ZBTB16: variants seen among roughly 807,000 people sequenced by gnomAD.
ZBTB16 encodes zinc finger and BTB domain containing 16.
A neutral mutation model predicts 56.8 loss-of-function variants in ZBTB16; 8 were observed. That is an observed-to-expected ratio of 0.14 (90% CI 0.08 to 0.25). ZBTB16 has a LOEUF of 0.25. Among genes scored for constraint, ZBTB16 ranks in the 10% least tolerant of loss-of-function variants. ZBTB16 has a pLI of 1.00. For missense variants in ZBTB16, 625 were observed against 903.0 expected (o/e 0.69, Z 3.95); for synonymous variants, 363 against 368.5 (o/e 0.98, Z 0.17).
In ZBTB16 at chr11:114,064,177, A is replaced by G. The variant is rs1457689348; in HGVS notation, c.877A>G (p.Arg293Gly). ...TCGAAGCAGCGTCATCACCAGTGCT[A>G]GGGAGCTACACTATGGGCGAGAGGA... The part of the protein sequence containing the change: ...PTRSSVITSA[R>G]ELHYGREESA... The change falls in exon 2 of 7, where the codon AGG becomes GGG. Residue 293 changes from arginine (R) to glycine (G), a missense_variant. Physicochemically the swap from Arg to Gly is moderately radical, Grantham distance 125. Transcript: ENST00000335953. The surrounding 1 kb of genome is among the most constrained non-coding windows in gnomAD (Gnocchi z 4.2). The G allele has an allele frequency of 6.2e-7, 1 of 1,613,948 alleles. No individual in the cohort carries two copies. Among genetic ancestry groups the G allele is most frequent in the South Asian group, 1.1e-5 (1 of 91,090 alleles).
intron 3 of ZBTB16, among the ~76,000 whole-genome samples, chr11:114,185,727 C>G (rs1173525081): frequency 6.6e-6 from 1 of 152,120 alleles, no homozygotes; most frequent in Non-Finnish European, 1.5e-5. Flanking sequence ...AAGAATGCAT[C>G]TACCAGACAT....
At position 114,063,115 on chromosome 11, in the gene ZBTB16, A is replaced by G. The variant is rs1008919029; in HGVS notation, c.-90-96A>G. ...GGCTTGGCAACAGGGAGGAGGGGGC[A>G]TGTTGTAGTGGTTGAATTCTTACTT... On this transcript the variant is annotated intron_variant, in intron 1 of 6. Coordinates refer to ENST00000335953, the MANE Select transcript of ZBTB16 (RefSeq NM_006006.6). The surrounding 1 kb of genome is among the most constrained non-coding windows in gnomAD (Gnocchi z 6.5). 7.7e-6 allele frequency: 5 copies of G among 646,678 alleles called. No homozygotes were observed. The highest frequency in any genetic ancestry group is 4.2e-4 in the Middle Eastern group (1 of 2,382). 40.1% of individuals were successfully genotyped at this position (646,678 alleles called of 1,614,324 possible).
At chr11:114,198,215 T>G (rs533553697) in intron 4 of ZBTB16, among the ~76,000 whole-genome samples, 1 of 152,222 alleles carries the variant, frequency 6.6e-6, no homozygotes, top group African/African-American at 2.4e-5. Flanking sequence ...TCACATTCTG[T>G]GCCAAGGAAT....
chr11:114,223,367 T>C (rs1438373012), intron 4 of ZBTB16, among the ~76,000 whole-genome samples: 1 of 152,102 alleles, frequency 6.6e-6, no homozygotes, highest in Non-Finnish European at 1.5e-5. Context: ...AGCCTGCAAC[T>C]CATAGGGAAT....
intron 4 of ZBTB16, among the ~76,000 whole-genome samples, chr11:114,201,738 A>G (rs1055761712): frequency 1.3e-5 from 2 of 152,148 alleles, no homozygotes; most frequent in African/African-American, 4.8e-5. Flanking sequence ...GCCACCCTAT[A>G]AGACTCTGTA....
intron 2 of ZBTB16, among the ~76,000 whole-genome samples, chr11:114,090,482 C>G (rs1014075543): frequency 6.6e-6 from 1 of 152,338 alleles, no homozygotes; most frequent in African/African-American, 2.4e-5. Flanking sequence ...GGGGAGCTCC[C>G]TCTCTCCCCT....
At chr11:114,215,476 A>G (rs1591789630) in intron 4 of ZBTB16, among the ~76,000 whole-genome samples, 1 of 152,240 alleles carries the variant, frequency 6.6e-6, no homozygotes, top group Non-Finnish European at 1.5e-5. Context: ...ATGGCAGCTC[A>G]TTCAGATGTC....
chr11:114,080,261 C>T (rs1171220200), intron 2 of ZBTB16, among the ~76,000 whole-genome samples: 2 of 152,080 alleles, frequency 1.3e-5, no homozygotes, highest in Non-Finnish European at 2.9e-5. Flanking sequence ...GACAATGTTC[C>T]TTGCCCCGAA....
chr11:114,181,149 A>C (rs1318992678), intron 3 of ZBTB16, among the ~76,000 whole-genome samples: 2 of 152,224 alleles, frequency 1.3e-5, no homozygotes, highest in African/African-American at 4.8e-5. Flanking sequence ...ATAACTGTAC[A>C]TCCAATTCCA....
intron 4 of ZBTB16, among the ~76,000 whole-genome samples, chr11:114,211,260 G>A (rs943647923): frequency 1.3e-5 from 2 of 152,144 alleles, no homozygotes; most frequent in African/African-American, 4.8e-5. Flanking sequence ...CTCCTTCCAG[G>A]CAGAAATCCA....
chr11:114,085,952 G>A (rs749510073), intron 2 of ZBTB16, among the ~76,000 whole-genome samples: 7 of 152,198 alleles, frequency 4.6e-5, no homozygotes, highest in Non-Finnish European at 1.0e-4. Context: ...GTGAGACCAT[G>A]TGGCTGCTCA....
chr11:114,248,921 A>G (rs1944864638), intron 6 of ZBTB16, among the ~76,000 whole-genome samples: 1 of 152,078 alleles, frequency 6.6e-6, no homozygotes, highest in South Asian at 2.1e-4. Flanking sequence ...TTACTTCATT[A>G]TTTGCTGGGG....
At chr11:114,086,219 AGGCGTGG>A (rs558034781) in intron 2 of ZBTB16, among the ~76,000 whole-genome samples, 47 of 152,338 alleles carry the variant, frequency 3.1e-4, no homozygotes, top group African/African-American at 9.9e-4. Flanking sequence ...CAGAGGAGCC[AGGCGTGG>A]CCAGGAGAGT....
At chr11:114,079,689 A>G (rs921377299) in intron 2 of ZBTB16, among the ~76,000 whole-genome samples, 3 of 152,314 alleles carry the variant, frequency 2.0e-5, no homozygotes, top group Non-Finnish European at 2.9e-5. Flanking sequence ...TCTGTTGACT[A>G]TAGTGAGTGA....
At chr11:114,182,406 A>G (rs1943270520) in intron 3 of ZBTB16, among the ~76,000 whole-genome samples, 1 of 152,016 alleles carries the variant, frequency 6.6e-6, no homozygotes, top group Non-Finnish European at 1.5e-5. Context: ...CCTGTTTTGT[A>G]TTTACTCGCT....
chr11:114,087,837 ATG>A (rs1940017124), intron 2 of ZBTB16, among the ~76,000 whole-genome samples: 2 of 152,166 alleles, frequency 1.3e-5, no homozygotes, highest in African/African-American at 4.8e-5. Context: ...ATTTCTTAGA[ATG>A]TACACCCCTG....
chr11:114,197,814 C>T (rs1345461262), intron 4 of ZBTB16, among the ~76,000 whole-genome samples: 1 of 152,106 alleles, frequency 6.6e-6, no homozygotes, highest in East Asian at 1.9e-4. Flanking sequence ...AGCAACGCTC[C>T]TTCCCTCAGG....
At chr11:114,077,208 C>T (rs1939601646) in intron 2 of ZBTB16, among the ~76,000 whole-genome samples, 1 of 152,156 alleles carries the variant, frequency 6.6e-6, no homozygotes, top group Admixed American at 6.5e-5. Flanking sequence ...TCATTCTGCT[C>T]CCATTTTCCC....
chr11:114,248,555 C>G (rs1342160849), intron 6 of ZBTB16, among the ~76,000 whole-genome samples: 1 of 152,152 alleles, frequency 6.6e-6, no homozygotes, highest in Admixed American at 6.5e-5. Flanking sequence ...AACAAAGACG[C>G]CCCCTCTGAT....
Sources: gnomAD v4.1 joint callset for allele counts (sites outside exome capture counted in the v4.1 genomes callset) on GRCh38, gnomAD v4.1.1 for gene constraint, Gnocchi (gnomAD v3.1) non-coding constraint, MANE v1.5 for transcripts, NCBI Gene and HGNC (gene_info 2026-07-23, HGNC 2026-07-21) for gene names.